Variants in RSPO2 observed in about 807,000 individuals in gnomAD.
RSPO2 encodes R-spondin 2, also known as R-spondin-2.
In RSPO2, 14 loss-of-function variants were observed where a neutral mutation model predicts 30.9. The ratio of observed to expected loss-of-function variants is 0.45; its 90% confidence interval spans 0.30 to 0.71. The LOEUF (loss-of-function observed/expected upper bound fraction) is 0.71, where lower values mean the gene tolerates loss of function less well. Ranked by LOEUF, RSPO2 falls within the 30% of genes least tolerant of loss-of-function variation. The probability of loss-of-function intolerance (pLI) is 0.08; values close to 1 mark genes in which losing one functional copy is unlikely to be tolerated. For missense variants in RSPO2, 264 were observed against 301.9 expected, an observed-to-expected ratio of 0.87 and a Z score of 0.93; for synonymous variants, 107 against 96.4, an observed-to-expected ratio of 1.11 and a Z score of -0.64.
chr8:107,985,141 C>CA (rs969794124), intron 3 of RSPO2, among the ~76,000 whole-genome samples: 1 of 152,016 alleles, frequency 6.6e-6, no homozygotes, highest in Non-Finnish European at 1.5e-5. Flanking sequence ...CATATTAAGA[C>CA]AAAAATGAAG....
At chr8:108,081,049 T>C (rs1177366028) in intron 2 of RSPO2, among the ~76,000 whole-genome samples, 1 of 152,214 alleles carries the variant, frequency 6.6e-6, no homozygotes, top group Non-Finnish European at 1.5e-5. Flanking sequence ...AATTTCTCTC[T>C]AGTATTTTTA....
chr8:108,007,296 A>G (rs958841455), intron 2 of RSPO2, among the ~76,000 whole-genome samples: 11 of 152,162 alleles, frequency 7.2e-5, no homozygotes, highest in African/African-American at 2.7e-4. Context: ...CAGATTCACC[A>G]TTTTGCCATC....
chr8:107,975,032 T>C (rs577288113), intron 3 of RSPO2, among the ~76,000 whole-genome samples: 1 of 152,352 alleles, frequency 6.6e-6, no homozygotes, highest in Non-Finnish European at 1.5e-5. Context: ...AATTATTTCC[T>C]ATTAAATAAA....
chr8:107,941,141 G>A (rs755848781), intron 5 of RSPO2, among the ~76,000 whole-genome samples: 22 of 152,002 alleles, frequency 1.4e-4, no homozygotes, highest in South Asian at 2.1e-4. Context: ...GTGGATTGGC[G>A]TGGACCTTAT....
intron 2 of RSPO2, among the ~76,000 whole-genome samples, chr8:108,060,060 A>G (rs1379628605): frequency 6.6e-6 from 1 of 151,762 alleles, no homozygotes; most frequent in Non-Finnish European, 1.5e-5. Flanking sequence ...TGGTTCCAAG[A>G]TGGCCAAATA....
At chr8:107,983,373 C>T (rs1814517153) in intron 3 of RSPO2, 1 of 1,608,474 alleles carries the variant, frequency 6.2e-7, no homozygotes, top group African/African-American at 1.3e-5. Context: ...GATTGAAAGC[C>T]CAGCAGAACA....
chr8:108,044,447 G>C (rs1251782927), intron 2 of RSPO2, among the ~76,000 whole-genome samples: 1 of 152,044 alleles, frequency 6.6e-6, no homozygotes, highest in Non-Finnish European at 1.5e-5. Context: ...TCACTTTTAA[G>C]TAAGAACATG....
intron 5 of RSPO2, among the ~76,000 whole-genome samples, chr8:107,905,533 C>A (rs1157811230): frequency 6.6e-6 from 1 of 152,008 alleles, no homozygotes; most frequent in South Asian, 2.1e-4. Context: ...GTTTGTAATG[C>A]TCTAACTTGA....
At chr8:108,003,523 T>C (rs1353165691) in intron 2 of RSPO2, among the ~76,000 whole-genome samples, 1 of 151,470 alleles carries the variant, frequency 6.6e-6, no homozygotes, top group Non-Finnish European at 1.5e-5. Context: ...TATTTTGACA[T>C]GCTTTGTTGA....
At chr8:107,970,941 T>C (rs570195171) in intron 3 of RSPO2, among the ~76,000 whole-genome samples, 1 of 152,244 alleles carries the variant, frequency 6.6e-6, no homozygotes, top group South Asian at 2.1e-4. Flanking sequence ...ACAGTCTTGG[T>C]TGTACCACGC....
At chr8:108,061,756 A>C (rs199994854) in intron 2 of RSPO2, among the ~76,000 whole-genome samples, 1 of 150,104 alleles carries the variant, frequency 6.7e-6, no homozygotes, top group South Asian at 2.1e-4. Context: ...CATATCACAC[A>C]TATTCCAAAA....
chr8:107,999,425 G>A (rs1815151073), intron 2 of RSPO2, among the ~76,000 whole-genome samples: 1 of 152,034 alleles, frequency 6.6e-6, no homozygotes, highest in Non-Finnish European at 1.5e-5. Flanking sequence ...CTCAAAGCTA[G>A]GAGAAACTAG....
rs1173598929 is a variant in RSPO2 at position 107,982,000 on chromosome 8, C to A, written c.283+7056G>T. ...TCATTGAGCTATGACTGTGCAACAACAACAACAACAAAAAAAAAAAAAAAA... is the reference window on the plus strand; with the variant it reads ...TCATTGAGCTATGACTGTGCAACAAAAACAACAACAAAAAAAAAAAAAAAA... On this transcript the variant is annotated intron_variant, in intron 3 of 5. Coordinates refer to ENST00000276659, the MANE Select transcript of RSPO2 (RefSeq NM_178565.5). Among the ~76,000 whole-genome samples the A allele has an allele frequency of 8.9e-3, 128 of 14,454 alleles. 1 individual carries two copies. The highest frequency in any genetic ancestry group is 0.023 in the African/African-American group (75 of 3,320). 9.5% of individuals were successfully genotyped at this position (14,454 alleles called of 152,430 possible).
intron 2 of RSPO2, among the ~76,000 whole-genome samples, chr8:108,033,224 A>G (rs1264643491): frequency 6.6e-6 from 1 of 152,122 alleles, no homozygotes; most frequent in Non-Finnish European, 1.5e-5. Context: ...TGTATACTGC[A>G]GCAAAAAATT....
At chr8:108,028,260 C>CT (rs1811287406) in intron 2 of RSPO2, among the ~76,000 whole-genome samples, 1 of 152,172 alleles carries the variant, frequency 6.6e-6, no homozygotes, top group African/African-American at 2.4e-5. Context: ...ATCTTACCCC[C>CT]TCACCTCACA....
intron 2 of RSPO2, among the ~76,000 whole-genome samples, chr8:108,013,488 A>G (rs949547092): frequency 3.3e-5 from 5 of 152,126 alleles, no homozygotes; most frequent in African/African-American, 9.6e-5. Context: ...TACACTAATC[A>G]TTATCAAAAC....
At chr8:107,920,398 G>A (rs1812121277) in intron 5 of RSPO2, among the ~76,000 whole-genome samples, 1 of 151,938 alleles carries the variant, frequency 6.6e-6, no homozygotes, top group South Asian at 2.1e-4. Context: ...CTATCCAAAA[G>A]GTTTCTATAA....
chr8:108,082,656 G>C lies in RSPO2; in HGVS notation c.-18C>G. 3.7e-6 allele frequency: 6 copies of C among 1,603,074 alleles called. No individual in the cohort carries two copies. The highest frequency in any genetic ancestry group is 4.3e-6 in the Non-Finnish European group (5 of 1,170,286). ...AACTGCATCTGGGCGGTCGGGCGGG[G>C]GAGAGACGCCTCTCAAAGTCTAGGA... On this transcript the variant is annotated 5_prime_UTR_variant, in exon 2 of 6. Coordinates refer to ENST00000276659, the MANE Select transcript of RSPO2 (RefSeq NM_178565.5).
At chr8:108,005,083 GT>G (rs1815406570) in intron 2 of RSPO2, among the ~76,000 whole-genome samples, 1 of 152,070 alleles carries the variant, frequency 6.6e-6, no homozygotes. Flanking sequence ...AAGAGAACAG[GT>G]CAGTGATTTA....
Sources: allele counts gnomAD v4.1 joint callset (sites outside exome capture counted in the v4.1 genomes callset), GRCh38; gene constraint gnomAD v4.1.1; transcripts MANE v1.5; gene names NCBI Gene and HGNC (gene_info 2026-07-23, HGNC 2026-07-21).